The following LUZP2 variants were observed in gnomAD, a reference collection of about 807,000 sequenced individuals.
The protein encoded by LUZP2 is leucine zipper protein 2.
LUZP2 carries 52 observed loss-of-function variants against 51.6 expected under a neutral mutation model. The observed-to-expected ratio is 1.01, with a 90% CI of 0.81 to 1.27. The LOEUF is 1.27. LUZP2 is among the 50% of genes most tolerant of loss of function. The pLI, the probability that LUZP2 is intolerant of heterozygous loss-of-function variation, is 0.00. For synonymous variants in LUZP2, 154 were observed against 137.3 expected, an observed-to-expected ratio of 1.12 and a Z score of -0.85; for missense variants, 436 against 395.4, an observed-to-expected ratio of 1.10 and a Z score of -0.87.
intron 5 of LUZP2, among the ~76,000 whole-genome samples, chr11:24,871,063 C>G (rs192119551): frequency 1.3e-5 from 2 of 152,012 alleles, no homozygotes; most frequent in East Asian, 1.9e-4. Context: ...AGTGGTAACT[C>G]TGAAGTATCT....
chr11:24,586,839 A>G (rs1389645299), intron 1 of LUZP2, among the ~76,000 whole-genome samples: 2 of 152,178 alleles, frequency 1.3e-5, no homozygotes, highest in South Asian at 2.1e-4. Flanking sequence ...TGATTTTTAT[A>G]TTTATTTTCT....
intron 5 of LUZP2, among the ~76,000 whole-genome samples, chr11:24,784,224 T>C (rs1369717594): frequency 6.6e-6 from 1 of 152,038 alleles, no homozygotes. Flanking sequence ...AAATTTATCT[T>C]GTTTTTATTC....
chr11:24,919,568 T>G lies in LUZP2; in HGVS notation c.522+5030T>G, dbSNP rs1853953645. Among the ~76,000 whole-genome samples the G allele has an allele frequency of 1.4e-5, 2 of 144,666 alleles. 1 individual carries two copies. Among genetic ancestry groups the G allele is most frequent in the Admixed American group, 1.4e-4 (2 of 14,004 alleles). 94.9% of individuals were successfully genotyped at this position (144,666 alleles called of 152,430 possible). ...GTATTCTTTATATATATTCATAATT[T>G]TTAATTTAAATACACAGGATAGCTT... On this transcript the variant is annotated intron_variant, in intron 7 of 11. Transcript: ENST00000336930.
chr11:25,029,729 T>C (rs1857590687), intron 9 of LUZP2, among the ~76,000 whole-genome samples: 1 of 122,518 alleles, frequency 8.2e-6, no homozygotes, highest in Admixed American at 8.2e-5. Context: ...AGAGAGAGAC[T>C]CTGTCTCAAA....
At chr11:24,809,795 G>T (rs1849965056) in intron 5 of LUZP2, among the ~76,000 whole-genome samples, 1 of 152,070 alleles carries the variant, frequency 6.6e-6, no homozygotes, top group South Asian at 2.1e-4. Context: ...ACATTATGAA[G>T]TGGTTAGATT....
chr11:24,549,512 T>C (rs1353140848), intron 1 of LUZP2, among the ~76,000 whole-genome samples: 1 of 152,106 alleles, frequency 6.6e-6, no homozygotes, highest in Non-Finnish European at 1.5e-5. Context: ...CATAAACTAG[T>C]AGCATAGTCG....
intron 1 of LUZP2, among the ~76,000 whole-genome samples, chr11:24,583,922 G>A (rs976034106): frequency 1.3e-4 from 19 of 150,962 alleles, no homozygotes; most frequent in African/African-American, 2.2e-4. Flanking sequence ...CCGTGTTAGC[G>A]AGGATGGTCT....
intron 5 of LUZP2, among the ~76,000 whole-genome samples, chr11:24,800,488 G>C (rs1442075562): frequency 2.0e-5 from 3 of 150,530 alleles, no homozygotes; most frequent in Middle Eastern, 3.2e-3. Flanking sequence ...CAGAGATCTA[G>C]TGAATGCCAG....
chr11:24,911,511 G>GT (rs1326078780), intron 6 of LUZP2, among the ~76,000 whole-genome samples: 2 of 152,076 alleles, frequency 1.3e-5, no homozygotes, highest in Non-Finnish European at 2.9e-5. Context: ...AGATCCAATG[G>GT]TTTTTTAAGC....
At chr11:25,009,481 T>G (rs540796796) in intron 9 of LUZP2, among the ~76,000 whole-genome samples, 1 of 152,148 alleles carries the variant, frequency 6.6e-6, no homozygotes, top group African/African-American at 2.4e-5. Flanking sequence ...GTGTTAGTAC[T>G]TCATAATTTC....
intron 7 of LUZP2, among the ~76,000 whole-genome samples, chr11:24,953,566 T>G (rs1855135720): frequency 6.6e-6 from 1 of 151,994 alleles, no homozygotes; most frequent in South Asian, 2.1e-4. Context: ...AAAAAGCTCC[T>G]AAAGGAACAC....
intron 1 of LUZP2, among the ~76,000 whole-genome samples, chr11:24,707,250 C>G (rs1399680521): frequency 6.6e-6 from 1 of 151,840 alleles, no homozygotes; most frequent in East Asian, 1.9e-4. Context: ...CAAATCTATT[C>G]TGTAAAGCCA....
chr11:24,851,463 G>C (rs565807441), intron 5 of LUZP2, among the ~76,000 whole-genome samples: 6 of 152,114 alleles, frequency 3.9e-5, no homozygotes, highest in Admixed American at 1.3e-4. Context: ...CGACTTGATC[G>C]TAGTGGATAA....
At chr11:24,602,387 T>TACAC (rs71041785) in intron 1 of LUZP2, among the ~76,000 whole-genome samples, 30,880 of 129,298 alleles carry the variant, frequency 0.24, 4,265 homozygotes, top group East Asian at 0.32. Context: ...TATATATATA[T>TACAC]ACACACACAC....
chr11:24,925,624 T>G (rs921249110), intron 7 of LUZP2, among the ~76,000 whole-genome samples: 2 of 152,068 alleles, frequency 1.3e-5, no homozygotes, highest in South Asian at 2.1e-4. Context: ...TCAGAAACAA[T>G]GACAAGTGAA....
At chr11:24,709,537 A>G (rs1209206705) in intron 1 of LUZP2, among the ~76,000 whole-genome samples, 2 of 152,180 alleles carry the variant, frequency 1.3e-5, no homozygotes, top group African/African-American at 4.8e-5. Context: ...TACATTTTGT[A>G]GTTATCATAT....
chr11:24,710,822 G>T (rs1857784170), intron 1 of LUZP2, among the ~76,000 whole-genome samples: 1 of 151,828 alleles, frequency 6.6e-6, no homozygotes, highest in African/African-American at 2.4e-5. Context: ...TATGAAGTCA[G>T]GTACAATGTT....
At chr11:24,932,674 A>G (rs1224386782) in intron 7 of LUZP2, among the ~76,000 whole-genome samples, 2 of 152,054 alleles carry the variant, frequency 1.3e-5, no homozygotes, top group Non-Finnish European at 2.9e-5. Flanking sequence ...CATCAAATTT[A>G]TATCCAGGCA....
intron 7 of LUZP2, among the ~76,000 whole-genome samples, chr11:24,938,304 AT>A (rs902462945): frequency 1.3e-5 from 2 of 152,136 alleles, no homozygotes; most frequent in African/African-American, 4.8e-5. Flanking sequence ...GCTAAATATG[AT>A]TTTTTTAGCA....
Sources: gnomAD v4.1 joint callset for allele counts (sites outside exome capture counted in the v4.1 genomes callset) on GRCh38, gnomAD v4.1.1 for gene constraint, MANE v1.5 for transcripts, NCBI Gene and HGNC (gene_info 2026-07-23, HGNC 2026-07-21) for gene names.